GLTP: variants seen among roughly 807,000 people sequenced by gnomAD.
GLTP encodes the protein glycolipid transfer protein.
Under a neutral mutation model 24.0 loss-of-function variants are expected in GLTP, and 22 were observed. That is an observed-to-expected ratio of 0.92 (90% CI 0.65 to 1.31). The LOEUF is 1.31. Ranked by LOEUF, GLTP falls within the 50% of genes most tolerant of loss-of-function variation. The pLI is 0.00. For missense variants in GLTP, 224 were observed against 276.6 expected (o/e 0.81, Z 1.35); for synonymous variants, 92 against 115.9 (o/e 0.79, Z 1.33).
intron 4 of GLTP, among the ~76,000 whole-genome samples, chr12:109,853,486 C>T (rs1442083443): frequency 2.6e-5 from 4 of 151,646 alleles, no homozygotes; most frequent in African/African-American, 4.8e-5. Context: ...ATCAGGAGTT[C>T]GAGACCAGCC....
intron 1 of GLTP, chr12:109,860,441 A>G (rs1292798894): frequency 4.9e-6 from 1 of 205,024 alleles, no homozygotes; most frequent in East Asian, 1.1e-4. Flanking sequence ...TTTTAAAGAC[A>G]GGGTCCTTTG....
intron 1 of GLTP, among the ~76,000 whole-genome samples, chr12:109,861,874 T>C (rs1868376948): frequency 6.6e-6 from 1 of 152,200 alleles, no homozygotes; most frequent in South Asian, 2.1e-4. Context: ...ACCCAGCAAA[T>C]GACATCATCG....
chr12:109,876,735 T>A (rs1002694460), intron 1 of GLTP, among the ~76,000 whole-genome samples: 1 of 146,710 alleles, frequency 6.8e-6, no homozygotes, highest in Non-Finnish European at 1.5e-5. Flanking sequence ...AAGATGGTTA[T>A]GCTATATTGT....
intron 1 of GLTP, among the ~76,000 whole-genome samples, chr12:109,873,755 G>T (rs1868801464): frequency 6.6e-6 from 1 of 152,062 alleles, no homozygotes; most frequent in Admixed American, 6.6e-5. Context: ...GCTGCAGTGA[G>T]CTGTGATCAC....
chr12:109,862,045 C>T (rs760991262), intron 1 of GLTP, among the ~76,000 whole-genome samples: 1 of 152,174 alleles, frequency 6.6e-6, no homozygotes, highest in Non-Finnish European at 1.5e-5. Context: ...TGCTAGGCCA[C>T]GAGCAGTCTC....
chr12:109,853,298 C>G (rs767501393), intron 4 of GLTP, among the ~76,000 whole-genome samples: 1 of 152,098 alleles, frequency 6.6e-6, no homozygotes, highest in African/African-American at 2.4e-5. Context: ...GGGGGCGATA[C>G]TTCCCTAAAT....
chr12:109,853,007 T>G (rs1212557791), intron 4 of GLTP, among the ~76,000 whole-genome samples: 1 of 152,212 alleles, frequency 6.6e-6, no homozygotes, highest in Non-Finnish European at 1.5e-5. Context: ...TTAGCCTCTC[T>G]GAGCTTCAGC....
At chr12:109,876,325 A>G (rs775974634) in intron 1 of GLTP, among the ~76,000 whole-genome samples, 13 of 152,140 alleles carry the variant, frequency 8.5e-5, no homozygotes, top group Non-Finnish European at 1.9e-4. Flanking sequence ...CCTGGGCAAT[A>G]TAACAAGATC....
chr12:109,863,294 T>C (rs1868421532), intron 1 of GLTP, among the ~76,000 whole-genome samples: 1 of 152,372 alleles, frequency 6.6e-6, no homozygotes, highest in South Asian at 2.1e-4. Flanking sequence ...AAATCCTATT[T>C]CTTTTTCTAC....
intron 1 of GLTP, among the ~76,000 whole-genome samples, chr12:109,876,683 A>G (rs1217446695): frequency 1.3e-5 from 2 of 151,922 alleles, no homozygotes; most frequent in Non-Finnish European, 2.9e-5. Context: ...AAGGAAGGAA[A>G]AGGAAGAAAG....
chr12:109,863,687 T>A (rs4766641), intron 1 of GLTP, among the ~76,000 whole-genome samples: 105,535 of 152,174 alleles, frequency 0.69, 38,450 homozygotes, highest in African/African-American at 0.9. Context: ...ATAAAACGGA[T>A]ATCCTTCTAG....
intron 1 of GLTP, among the ~76,000 whole-genome samples, chr12:109,866,911 C>T (rs1356622947): frequency 2.0e-5 from 3 of 150,224 alleles, no homozygotes; most frequent in Non-Finnish European, 1.5e-5. Flanking sequence ...AGATGTGCAC[C>T]ACCATGCTGG....
chr12:109,866,728 G>A (rs1197100585), intron 1 of GLTP, among the ~76,000 whole-genome samples: 1 of 151,506 alleles, frequency 6.6e-6, no homozygotes, highest in Non-Finnish European at 1.5e-5. Context: ...GTGCCTTTAG[G>A]CTTTTAGGAC....
chr12:109,861,520 C>T (rs776234562), intron 1 of GLTP, among the ~76,000 whole-genome samples: 3 of 152,146 alleles, frequency 2.0e-5, no homozygotes, highest in Non-Finnish European at 4.4e-5. Flanking sequence ...GAGGCCAAGG[C>T]GGGCGGATCA....
chr12:109,875,743 A>G lies in GLTP; in HGVS notation c.103+4529T>C, dbSNP rs531584921. ...GGAGATAAGGAGGAAGGGCAGGCCC[A>G]AGATATGGATGCGCTAAATCAGGCA... On this transcript the variant is annotated intron_variant, in intron 1 of 4. Transcript: ENST00000318348. Among the ~76,000 whole-genome samples, 4 of 152,370 alleles carry G rather than the reference A, an allele frequency of 2.6e-5. No individual in the cohort carries two copies. The South Asian group carries it at 8.3e-4, about 32-fold the overall frequency.
Position 109,851,290 on chromosome 12 carries a change from C to A in GLTP, c.*1265G>T, listed in dbSNP as rs2136759713. The A allele has an allele frequency of 6.6e-6, 1 of 152,344 alleles. No individual in the cohort carries two copies. The highest frequency in any genetic ancestry group is 1.9e-4 in the East Asian group (1 of 5,176). The allele number at this position is 152,344 out of a possible 1,614,324, so 9.4% of individuals were successfully genotyped here. On this transcript the variant is annotated 3_prime_UTR_variant, in exon 5 of 5. Coordinates refer to ENST00000318348, the MANE Select transcript of GLTP (RefSeq NM_016433.4). ...GTCATCTATGGTCAATTGTTTGTGC[C>A]CTATAGCTTTGAAAGAAACGCCTCT... is the stretch of plus-strand genomic sequence containing the variant.
At chr12:109,854,367 A>C (rs1892768968) in intron 4 of GLTP, among the ~76,000 whole-genome samples, 1 of 129,048 alleles carries the variant, frequency 7.7e-6, no homozygotes, top group Non-Finnish European at 1.7e-5. Context: ...CCCTGTCTCA[A>C]AAAAAAAAAA....
At position 109,880,175 on chromosome 12, in the gene GLTP, G is replaced by A; in HGVS notation, c.103+97C>T. On this transcript the variant is annotated intron_variant, in intron 1 of 4. Coordinates refer to ENST00000318348, the MANE Select transcript of GLTP (RefSeq NM_016433.4). This position sits in a 1 kb window ranked among gnomAD's most constrained non-coding sequence, Gnocchi z 5.1. ...GGTGCCTGGGGAAACAGTACTTAGG[G>A]GTGTCTAGGGCAGAGATGGTTAGGG... is the stretch of plus-strand genomic sequence containing the variant. 4.3e-6 allele frequency: 3 copies of A among 702,174 alleles called. No individual in the cohort carries two copies. The highest frequency in any genetic ancestry group is 7.4e-6 in the Non-Finnish European group (3 of 403,988). The allele number at this position is 702,174 out of a possible 1,614,324, so 43.5% of individuals were successfully genotyped here. A position where few individuals can be genotyped will look rare whatever the true frequency, so the allele number is the denominator to read the frequency against.
intron 1 of GLTP, among the ~76,000 whole-genome samples, chr12:109,868,301 G>A (rs1868609095): frequency 6.6e-6 from 1 of 152,208 alleles, no homozygotes; most frequent in Non-Finnish European, 1.5e-5. Flanking sequence ...AGGAGCCACT[G>A]TACCCGACCT....
Sources: gnomAD v4.1 joint callset for allele counts (sites outside exome capture counted in the v4.1 genomes callset) on GRCh38, gnomAD v4.1.1 for gene constraint, Gnocchi (gnomAD v3.1) non-coding constraint, MANE v1.5 for transcripts, NCBI Gene and HGNC (gene_info 2026-07-23, HGNC 2026-07-21) for gene names.